AKAP8L: variants seen among roughly 807,000 people sequenced by gnomAD.
AKAP8L encodes A-kinase anchor protein 8-like.
AKAP8L carries 34 observed loss-of-function variants against 77.5 expected under a neutral mutation model. The observed-to-expected ratio is 0.44, with a 90% CI of 0.33 to 0.58. The LOEUF is 0.58. Ranked by LOEUF, AKAP8L falls within the 20% of genes least tolerant of loss-of-function variation. The pLI, the probability that AKAP8L is intolerant of heterozygous loss-of-function variation, is 0.02. For synonymous variants in AKAP8L, 342 were observed against 340.7 expected (o/e 1.00, Z -0.04); for missense variants, 806 against 887.6 (o/e 0.91, Z 1.17).
At chr19:15,414,633 C>T (rs1044039586) in intron 1 of AKAP8L, among the ~76,000 whole-genome samples, 4 of 152,086 alleles carry the variant, frequency 2.6e-5, no homozygotes, top group Non-Finnish European at 5.9e-5. Flanking sequence ...GGACTACAGG[C>T]ACCTGCCACC....
intron 2 of AKAP8L, among the ~76,000 whole-genome samples, chr19:15,406,403 G>GAGAGAGAGAGAGAA (rs1968001941): frequency 7.1e-6 from 1 of 141,508 alleles, no homozygotes; most frequent in Non-Finnish European, 1.5e-5. Context: ...GAGAGAGAGA[G>GAGAGAGAGAGAGAA]ATCCTTAAAA....
At chr19:15,393,161 C>T (rs978030550) in intron 12 of AKAP8L, among the ~76,000 whole-genome samples, 4 of 151,768 alleles carry the variant, frequency 2.6e-5, no homozygotes, top group Admixed American at 2.6e-4. Flanking sequence ...AAAGTTAGAA[C>T]CTTACCTCAT....
At chr19:15,392,790 G>A (rs1967689224) in intron 12 of AKAP8L, among the ~76,000 whole-genome samples, 1 of 150,798 alleles carries the variant, frequency 6.6e-6, no homozygotes, top group Non-Finnish European at 1.5e-5. Flanking sequence ...CAGCTACTCA[G>A]GAGGCTGAGA....
chr19:15,394,736 A>G (rs1325433662), intron 12 of AKAP8L, among the ~76,000 whole-genome samples: 1 of 152,134 alleles, frequency 6.6e-6, no homozygotes, highest in Admixed American at 6.5e-5. Flanking sequence ...TATACTTTAA[A>G]TGCGTGAATT....
intron 1 of AKAP8L, among the ~76,000 whole-genome samples, chr19:15,412,578 T>C (rs1968125593): frequency 6.6e-6 from 1 of 152,124 alleles, no homozygotes; most frequent in South Asian, 2.1e-4. Flanking sequence ...AGACGGAGTC[T>C]CGCACTAGGT....
At position 15,398,696 on chromosome 19, in the gene AKAP8L, C is replaced by T. The variant is rs956170226; in HGVS notation, c.1157+606G>A. 5.1e-6 allele frequency: 5 copies of T among 987,560 alleles called. No homozygotes were observed. The African/African-American group carries it at 5.2e-5, about 10-fold the overall frequency. The allele number at this position is 987,560 out of a possible 1,614,324, so 61.2% of individuals were successfully genotyped here. On this transcript the variant is annotated intron_variant, in intron 9 of 13. Transcript: ENST00000397410. This position sits in a 1 kb window ranked among gnomAD's most constrained non-coding sequence, Gnocchi z 9.2. ...TCTGGAGAGCCCAGGGGCCGGGCGC[C>T]GGCGAGGCTGAGGAAGGTCCAGCAA...
At chr19:15,418,026 T>A (rs533065540) in intron 1 of AKAP8L, among the ~76,000 whole-genome samples, 1 of 152,308 alleles carries the variant, frequency 6.6e-6, no homozygotes, top group East Asian at 1.9e-4. Flanking sequence ...GCCAGGCAGT[T>A]CCTGCCCGTA....
intron 12 of AKAP8L, among the ~76,000 whole-genome samples, chr19:15,390,386 T>TC (rs1488260964): frequency 2.1e-5 from 3 of 140,910 alleles, no homozygotes; most frequent in Non-Finnish European, 4.5e-5. Flanking sequence ...ACCGTTGCAC[T>TC]CCAGCCTAGG....
chr19:15,390,410 C>A (rs1279298978), intron 12 of AKAP8L, among the ~76,000 whole-genome samples: 1 of 107,522 alleles, frequency 9.3e-6, no homozygotes, highest in Non-Finnish European at 1.8e-5. Context: ...CAGAGTGAGA[C>A]CCTGTCTCAA....
chr19:15,416,440 G>A (rs1175616938), intron 1 of AKAP8L, among the ~76,000 whole-genome samples: 1 of 152,180 alleles, frequency 6.6e-6, no homozygotes, highest in Non-Finnish European at 1.5e-5. Flanking sequence ...TACTCCAGCA[G>A]CCAGCCCTAG....
At position 15,399,975 on chromosome 19, in the gene AKAP8L, C is replaced by T. The variant is rs994475216; in HGVS notation, c.1048+320G>A. On this transcript the variant is annotated intron_variant, in intron 8 of 13. Coordinates refer to ENST00000397410, the MANE Select transcript of AKAP8L (RefSeq NM_014371.4). This position sits in a 1 kb window ranked among gnomAD's most constrained non-coding sequence, Gnocchi z 6.1. ...GACACCAGCCACTGAGGACTTGGAA[C>T]TGCGCGTTACTGAGGGACCGAGGGC... 1.1e-4 allele frequency: 53 copies of T among 462,334 alleles called. No individual in the cohort carries two copies. Among genetic ancestry groups the T allele is most frequent in the Non-Finnish European group, 2.0e-4 (50 of 256,098 alleles). The allele number at this position is 462,334 out of a possible 1,614,324, so 28.6% of individuals were successfully genotyped here. A position where few individuals can be genotyped will look rare whatever the true frequency, so the allele number is the denominator to read the frequency against.
In AKAP8L at chr19:15,399,427, G is replaced by C; in HGVS notation, c.1049-17C>G. On this transcript the variant is annotated splice_polypyrimidine_tract_variant and intron_variant, in intron 8 of 13. Coordinates refer to ENST00000397410, the MANE Select transcript of AKAP8L (RefSeq NM_014371.4). The surrounding 1 kb of genome is among the most constrained non-coding windows in gnomAD (Gnocchi z 6.1). ...TTAGGGCCCCTGTGGGAGCAGATGG[G>C]CACTGTCACCAATTTGGCTCTGCCA... 6.3e-7 allele frequency: 1 copy of C among 1,597,120 alleles called. No individual in the cohort carries two copies. The highest frequency in any genetic ancestry group is 1.1e-5 in the South Asian group (1 of 90,782).
intron 1 of AKAP8L, among the ~76,000 whole-genome samples, chr19:15,412,492 G>A (rs1339131622): frequency 2.6e-5 from 4 of 152,098 alleles, no homozygotes; most frequent in Non-Finnish European, 5.9e-5. Flanking sequence ...TGCTAATCCT[G>A]ACACTTGCTT....
At chr19:15,380,786 C>A (rs914306012) in intron 12 of AKAP8L, 174 bp from the exon 13 acceptor site, 10 of 607,098 alleles carry the variant, frequency 1.6e-5, no homozygotes, top group East Asian at 2.8e-5. Flanking sequence ...GATCTTTGTT[C>A]AAATTCCCTC....
At chr19:15,400,270 C>T (rs202079974) in intron 8 of AKAP8L, 25 bp downstream of exon 8, 2 of 1,613,372 alleles carry the variant, frequency 1.2e-6, no homozygotes, top group South Asian at 2.2e-5. Context: ...GCCGCCCTAG[C>T]ACCAGGCACC....
chr19:15,395,834 A>C (rs1951122426), intron 12 of AKAP8L, among the ~76,000 whole-genome samples: 1 of 142,712 alleles, frequency 7.0e-6, no homozygotes, highest in Non-Finnish European at 1.5e-5. Flanking sequence ...AATACAAAAA[A>C]TTAGCCGGGC....
intron 1 of AKAP8L, among the ~76,000 whole-genome samples, chr19:15,413,689 C>T (rs1438614079): frequency 6.6e-6 from 1 of 152,230 alleles, no homozygotes; most frequent in Non-Finnish European, 1.5e-5. Flanking sequence ...CCAGCCCCTG[C>T]GGTCTCCACT....
chr19:15,403,175 G>T lies in AKAP8L; in HGVS notation c.362+300C>A. On this transcript the variant is annotated intron_variant, in intron 4 of 13. Coordinates refer to ENST00000397410, the MANE Select transcript of AKAP8L (RefSeq NM_014371.4). This position sits in a 1 kb window ranked among gnomAD's most constrained non-coding sequence, Gnocchi z 4.3. ...GAATTCCAAATGGCTGTCCTTGGAG[G>T]GAGGGGTGGCTGAACACTCTGTTTT... 1 of 436,914 alleles carries T rather than the reference G, an allele frequency of 2.3e-6. No individual in the cohort carries two copies. Among genetic ancestry groups the T allele is most frequent in the Non-Finnish European group, 4.3e-6 (1 of 233,820 alleles). 27.1% of individuals were successfully genotyped at this position (436,914 alleles called of 1,614,324 possible).
At chr19:15,416,650 G>T (rs545964483) in intron 1 of AKAP8L, among the ~76,000 whole-genome samples, 2 of 152,292 alleles carry the variant, frequency 1.3e-5, no homozygotes, top group East Asian at 3.9e-4. Context: ...CAAACATAAA[G>T]AAACTGTGTG....
Sources: allele counts gnomAD v4.1 joint callset (sites outside exome capture counted in the v4.1 genomes callset), GRCh38; gene constraint gnomAD v4.1.1; non-coding constraint Gnocchi (gnomAD v3.1); transcripts MANE v1.5; gene names NCBI Gene and HGNC (gene_info 2026-07-23, HGNC 2026-07-21).